The following OSR2 variants were observed in gnomAD, a reference collection of about 807,000 sequenced individuals.
OSR2 encodes protein odd-skipped-related 2.
In OSR2, 8 loss-of-function variants were observed where a neutral mutation model predicts 22.3. The observed-to-expected ratio is 0.36, with a 90% CI of 0.21 to 0.65. OSR2 has a LOEUF of 0.65. Ranked by LOEUF, OSR2 falls within the 30% of genes least tolerant of loss-of-function variation. The probability of loss-of-function intolerance (pLI) is 0.66; values close to 1 mark genes in which losing one functional copy is unlikely to be tolerated. For synonymous variants in OSR2, 179 were observed against 173.8 expected (o/e 1.03, Z -0.23); for missense variants, 311 against 413.4 (o/e 0.75, Z 2.15).
intron 3 of OSR2, chr8:98,951,043 G>A (rs1201567931): frequency 7.3e-6 from 4 of 548,998 alleles, no homozygotes; most frequent in Admixed American, 3.5e-5. Context: ...TGTTTAGGAG[G>A]AAATAAAGGT....
rs1422909819 is a variant in OSR2 at position 98,951,540 on chromosome 8, A to G, written c.778A>G (p.Thr260Ala). 1 of 1,599,184 alleles carries G rather than the reference A, an allele frequency of 6.3e-7. No homozygotes were observed. The highest frequency in any genetic ancestry group is 8.5e-7 in the Non-Finnish European group (1 of 1,172,940). ...ACAGGAATCTCCACACAAATGTCCC[A>G]CATGTGGAAGAACCTTTAATCAGAG... is the stretch of plus-strand genomic sequence containing the variant. Reference protein sequence around the residue: ...HMQESPHKCPTCGRTFNQRSN... With the variant: ...HMQESPHKCPACGRTFNQRSN... Residue 260 changes from threonine to alanine, a missense_variant, in exon 4 of 4, where the codon ACA (threonine) becomes GCA (alanine). Transcript: ENST00000297565.
Position 98,951,769 on chromosome 8 carries a change from C to T in OSR2, c.*68C>T. The T allele has an allele frequency of 1.3e-6, 2 of 1,493,334 alleles. No homozygotes were observed. The highest frequency in any genetic ancestry group is 1.8e-6 in the Non-Finnish European group (2 of 1,111,068). The allele number at this position is 1,493,334 out of a possible 1,614,324, so 92.5% of individuals were successfully genotyped here. On this transcript the variant is annotated 3_prime_UTR_variant, in exon 4 of 4. Transcript: ENST00000297565. ...CAGACACCTCTCCACGTCTCCTACC[C>T]AGGGGGTCGCATCCCTAGCCCTTCA...
At position 98,948,525 on chromosome 8, in the gene OSR2, C is replaced by A; in HGVS notation, c.-114-314C>A. 7.4e-7 allele frequency: 1 copy of A among 1,354,932 alleles called. No homozygotes were observed. Among genetic ancestry groups the A allele is most frequent in the Non-Finnish European group, 9.7e-7 (1 of 1,034,836 alleles). 83.9% of individuals were successfully genotyped at this position (1,354,932 alleles called of 1,614,324 possible). On this transcript the variant is annotated intron_variant, in intron 1 of 3. Coordinates refer to ENST00000297565, the MANE Select transcript of OSR2 (RefSeq NM_001142462.3). The surrounding 1 kb of genome is among the most constrained non-coding windows in gnomAD (Gnocchi z 6.0). ...GGGCTGGGCTGGGCTGGGTGCTGCC[C>A]GGCTGTCCGCCTTTCGTTTTCCTGG...
intron 1 of OSR2, among the ~76,000 whole-genome samples, chr8:98,947,626 C>T (rs1365194755): frequency 1.3e-5 from 2 of 152,106 alleles, no homozygotes; most frequent in Admixed American, 6.5e-5. Flanking sequence ...GAGGTGATCC[C>T]GGGAACCTGG....
intron 1 of OSR2, among the ~76,000 whole-genome samples, chr8:98,947,842 G>A (rs779095875): frequency 9.2e-5 from 14 of 152,118 alleles, no homozygotes; most frequent in Non-Finnish European, 1.9e-4. Flanking sequence ...TCCCCGGAGC[G>A]CTCTCCTCTC....
intron 1 of OSR2, among the ~76,000 whole-genome samples, chr8:98,945,155 C>T (rs1840568378): frequency 6.6e-6 from 1 of 152,236 alleles, no homozygotes; most frequent in Non-Finnish European, 1.5e-5. Flanking sequence ...CTGCTCCTGC[C>T]CTAGCAAGCC....
Position 98,948,275 on chromosome 8 carries a change from C to A in OSR2, c.-114-564C>A. On this transcript the variant is annotated intron_variant, in intron 1 of 3. Coordinates refer to ENST00000297565, the MANE Select transcript of OSR2 (RefSeq NM_001142462.3). The surrounding 1 kb of genome is among the most constrained non-coding windows in gnomAD (Gnocchi z 6.0). ...TCTGGCCCAGGAGGATGAAGCGCGC[C>A]GGCTTCGCTCTTGCACGCCGGCTTG... 1 of 1,514,184 alleles carries A rather than the reference C, an allele frequency of 6.6e-7. No homozygotes were observed. Among genetic ancestry groups the A allele is most frequent in the Non-Finnish European group, 8.8e-7 (1 of 1,133,928 alleles). The allele number at this position is 1,514,184 out of a possible 1,614,324, so 93.8% of individuals were successfully genotyped here.
intron 3 of OSR2, 43 bp from the exon 4 acceptor site, chr8:98,951,476 T>C: frequency 6.6e-7 from 1 of 1,521,276 alleles, no homozygotes; most frequent in Non-Finnish European, 8.9e-7. Flanking sequence ...GGTGCAGTGG[T>C]GGTGTGAAGG....
At chr8:98,945,190 C>A (rs1465205411) in intron 1 of OSR2, among the ~76,000 whole-genome samples, 1 of 152,242 alleles carries the variant, frequency 6.6e-6, no homozygotes, top group African/African-American at 2.4e-5. Context: ...CCGGGGCAGC[C>A]GCGGCAGCGC....
chr8:98,950,767 T>G lies in OSR2; in HGVS notation c.756+12T>G, dbSNP rs765151195. The G allele has an allele frequency of 1.5e-5, 24 of 1,579,776 alleles. No individual in the cohort carries two copies. The East Asian group carries it at 4.9e-4, about 32-fold the overall frequency. On this transcript the variant is annotated intron_variant, in intron 3 of 3. Coordinates refer to ENST00000297565, the MANE Select transcript of OSR2 (RefSeq NM_001142462.3). ...CTTTACACATGCAGGTAAGTTTGTT[T>G]TCTTGTTTAAAAACAGTGGCTGGTT...
At chr8:98,945,139 G>C (rs1216879844) in intron 1 of OSR2, among the ~76,000 whole-genome samples, 1 of 152,234 alleles carries the variant, frequency 6.6e-6, no homozygotes, top group Non-Finnish European at 1.5e-5. Flanking sequence ...CAATCCCATG[G>C]TGTTTCTGCT....
Position 98,949,949 on chromosome 8 carries a change from G to T in OSR2, c.656+341G>T, listed in dbSNP as rs1840732570. On this transcript the variant is annotated intron_variant, in intron 2 of 3. Coordinates refer to ENST00000297565, the MANE Select transcript of OSR2 (RefSeq NM_001142462.3). The surrounding 1 kb of genome is among the most constrained non-coding windows in gnomAD (Gnocchi z 5.9). ...GTACCCTGGGGTGCCGGTCCTGGCT[G>T]CAGTCGGGCTACTTCTGTTGGGTTT... is the stretch of plus-strand genomic sequence containing the variant. Among the ~76,000 whole-genome samples, 1 of 152,068 alleles carries T rather than the reference G, an allele frequency of 6.6e-6. No individual in the cohort carries two copies.
At position 98,951,888 on chromosome 8, in the gene OSR2, C is replaced by G; in HGVS notation, c.*187C>G. The G allele has an allele frequency of 1.7e-6, 1 of 583,098 alleles. No homozygotes were observed. Among genetic ancestry groups the G allele is most frequent in the Non-Finnish European group, 3.0e-6 (1 of 329,922 alleles). 36.1% of individuals were successfully genotyped at this position (583,098 alleles called of 1,614,324 possible). A position where few individuals can be genotyped will look rare whatever the true frequency, so the allele number is the denominator to read the frequency against. On this transcript the variant is annotated 3_prime_UTR_variant, in exon 4 of 4. Transcript: ENST00000297565. ...ACTGAGAACTGTAGAAAGCCACACA[C>G]TACTACATCCCTTCACAAAGAGTAT...
chr8:98,949,434 G>C lies in OSR2; in HGVS notation c.482G>C (p.Arg161Pro). 2 of 1,614,026 alleles carry C rather than the reference G, an allele frequency of 1.2e-6. No individual in the cohort carries two copies. The highest frequency in any genetic ancestry group is 1.7e-6 in the Non-Finnish European group (2 of 1,179,896). ...SKLTPDRKPS[R>P]GRLPSKTKKE... Reference sequence around the variant, plus strand: ...TTGACTCCGGACAGAAAGCCCTCTCGAGGAAGGTTGCCCTCCAAAACGAAA... The same window carrying C: ...TTGACTCCGGACAGAAAGCCCTCTCCAGGAAGGTTGCCCTCCAAAACGAAA... Residue 161 changes from arginine (R) to proline (P), a missense_variant, in exon 2 of 4, where the codon CGA (arginine) becomes CCA (proline). This residue lies in a region of OSR2 where 53 missense variants were observed against 59.5 expected (regional missense o/e 0.89). Coordinates refer to ENST00000297565, the MANE Select transcript of OSR2 (RefSeq NM_001142462.3). This position sits in a 1 kb window ranked among gnomAD's most constrained non-coding sequence, Gnocchi z 5.9.
rs2132084186 is a variant in OSR2, at chr8:98,948,057, G to A, written c.-114-782G>A. The A allele has an allele frequency of 8.0e-7, 1 of 1,255,248 alleles. No individual in the cohort carries two copies. The highest frequency in any genetic ancestry group is 2.2e-5 in the South Asian group (1 of 45,532). 77.8% of individuals were successfully genotyped at this position (1,255,248 alleles called of 1,614,324 possible). On this transcript the variant is annotated intron_variant, in intron 1 of 3. Coordinates refer to ENST00000297565, the MANE Select transcript of OSR2 (RefSeq NM_001142462.3). The surrounding 1 kb of genome is among the most constrained non-coding windows in gnomAD (Gnocchi z 6.0). ...CCTGGGAGCCTGAACCATCTGGAAG[G>A]GATCTTAGTCGGGGGTTGGGAGGAG... is the stretch of plus-strand genomic sequence containing the variant.
Position 98,944,675 on chromosome 8 carries a change from C to A in OSR2, c.-263C>A, listed in dbSNP as rs1229423007. On this transcript the variant is annotated 5_prime_UTR_variant, in exon 1 of 4. Transcript: ENST00000297565. ...GATCTGCTCTCGCTTTAGCTGCTCGCGGTCCTCCAGATCATGTCCGCGACT... is the reference window on the plus strand; with the variant it reads ...GATCTGCTCTCGCTTTAGCTGCTCGAGGTCCTCCAGATCATGTCCGCGACT... The A allele has an allele frequency of 6.6e-6, 1 of 152,266 alleles. No individual in the cohort carries two copies. Among genetic ancestry groups the A allele is most frequent in the African/African-American group, 2.4e-5 (1 of 41,462 alleles). The allele number at this position is 152,266 out of a possible 1,614,324, so 9.4% of individuals were successfully genotyped here. A position where few individuals can be genotyped will look rare whatever the true frequency, so the allele number is the denominator to read the frequency against.
At position 98,951,833 on chromosome 8, in the gene OSR2, GCT is replaced by G; in HGVS notation, c.*134_*135del. The G allele has an allele frequency of 4.8e-6, 4 of 837,992 alleles. No individual in the cohort carries two copies. The highest frequency in any genetic ancestry group is 7.2e-6 in the Non-Finnish European group (4 of 552,676). The allele number at this position is 837,992 out of a possible 1,614,324, so 51.9% of individuals were successfully genotyped here. A position where few individuals can be genotyped will look rare whatever the true frequency, so the allele number is the denominator to read the frequency against. ...TTCCCTTGCTGCAGCCGCACCTGCA[GCT>G]CCAGGGAGTTAACTCTTCTTCTGGG... On this transcript the variant is annotated 3_prime_UTR_variant, in exon 4 of 4. Coordinates refer to ENST00000297565, the MANE Select transcript of OSR2 (RefSeq NM_001142462.3).
Position 98,951,659 on chromosome 8 carries a change from G to T in OSR2, c.897G>T (p.Leu299=). The T allele has an allele frequency of 6.2e-7, 1 of 1,613,882 alleles. No individual in the cohort carries two copies. The highest frequency in any genetic ancestry group is 8.5e-7 in the Non-Finnish European group (1 of 1,179,872). The change falls in exon 4 of 4, where the codon CTG becomes CTT. Residue 299 remains leucine, a synonymous_variant. Transcript: ENST00000297565. ...AAGTGTTCAGGCGAAACTGTGATCT[G>T]CGGCGGCACAGCCTGACTCACACCC... ...CGKVFRRNCD[L]RRHSLTHTPR...
chr8:98,951,436 G>A, intron 3 of OSR2, 83 bp from the exon 4 acceptor site: 3 of 1,314,010 alleles, frequency 2.3e-6, no homozygotes, highest in East Asian at 5.1e-5. Context: ...TAACGCTTGT[G>A]ATAACGATAA....
Sources: gnomAD v4.1 joint callset for allele counts (sites outside exome capture counted in the v4.1 genomes callset) on GRCh38, gnomAD v4.1.1 for gene constraint, gnomAD v4.1.1 regional missense constraint, Gnocchi (gnomAD v3.1) non-coding constraint, MANE v1.5 for transcripts, NCBI Gene and HGNC (gene_info 2026-07-23, HGNC 2026-07-21) for gene names.